Variants in CNBD1 observed in about 807,000 individuals in gnomAD.
The protein encoded by CNBD1 is cyclic nucleotide-binding domain-containing protein 1.
A neutral mutation model predicts 54.4 loss-of-function variants in CNBD1; 71 were observed. The observed-to-expected ratio is 1.30, with a 90% CI of 1.08 to 1.59. The LOEUF (loss-of-function observed/expected upper bound fraction) is 1.59, where lower values mean the gene tolerates loss of function less well. Ranked by LOEUF, CNBD1 falls within the 40% of genes most tolerant of loss-of-function variation. CNBD1 has a pLI of 0.00. For synonymous variants in CNBD1, 182 were observed against 170.7 expected (o/e 1.07, Z -0.51); for missense variants, 659 against 518.0 (o/e 1.27, Z -2.64).
chr8:87,051,161 C>T (rs1403823947), intron 4 of CNBD1, among the ~76,000 whole-genome samples: 2 of 152,174 alleles, frequency 1.3e-5, no homozygotes, highest in Non-Finnish European at 2.9e-5. Flanking sequence ...CCTCCAACTA[C>T]AGCTGAGGGT....
At chr8:87,320,813 A>T (rs1042118099) in intron 8 of CNBD1, among the ~76,000 whole-genome samples, 3 of 152,104 alleles carry the variant, frequency 2.0e-5, no homozygotes, top group Non-Finnish European at 4.4e-5. Flanking sequence ...TATCTCTCTA[A>T]TATTTTCACC....
At chr8:87,306,970 A>G (rs554784358) in intron 8 of CNBD1, among the ~76,000 whole-genome samples, 19 of 152,196 alleles carry the variant, frequency 1.2e-4, no homozygotes, top group Non-Finnish European at 2.4e-4. Flanking sequence ...TGTACTCAAT[A>G]ACTATATCTG....
At chr8:87,256,006 TA>T (rs1563526097) in intron 6 of CNBD1, among the ~76,000 whole-genome samples, 403 of 20,550 alleles carry the variant, frequency 0.02, 4 homozygotes, top group Non-Finnish European at 0.023. Flanking sequence ...TATATATATA[TA>T]TATATATATT....
chr8:87,185,868 G>C (rs1813464727), intron 4 of CNBD1, among the ~76,000 whole-genome samples: 1 of 151,956 alleles, frequency 6.6e-6, no homozygotes, highest in Non-Finnish European at 1.5e-5. Flanking sequence ...TCCTTTGACT[G>C]TCTCCTCAGT....
chr8:87,408,551 C>T (rs548192313), intron 2 of CNBD1, among the ~76,000 whole-genome samples: 14 of 151,984 alleles, frequency 9.2e-5, no homozygotes, highest in African/African-American at 2.7e-4. Flanking sequence ...TTTTTCTTTT[C>T]GTCTCTCAGT....
intron 8 of CNBD1, among the ~76,000 whole-genome samples, chr8:87,322,931 GT>G (rs1385429958): frequency 9.2e-6 from 1 of 108,794 alleles, no homozygotes; most frequent in African/African-American, 3.6e-5. Flanking sequence ...GGTTTTTATG[GT>G]TTTAGGTCTA....
chr8:87,417,117 G>C (rs975681731), intron 2 of CNBD1, among the ~76,000 whole-genome samples: 2 of 151,968 alleles, frequency 1.3e-5, no homozygotes, highest in African/African-American at 2.4e-5. Flanking sequence ...AATTTATAAA[G>C]AAAAAGAGGT....
downstream of CNBD1, among the ~76,000 whole-genome samples, chr8:87,384,394 A>G (rs1452433899): frequency 4.6e-5 from 7 of 152,102 alleles, no homozygotes; most frequent in Admixed American, 4.6e-4. Flanking sequence ...GAAAATATAT[A>G]TAATATTATA....
At chr8:87,126,999 G>A (rs902945920) in intron 4 of CNBD1, among the ~76,000 whole-genome samples, 1 of 151,672 alleles carries the variant, frequency 6.6e-6, no homozygotes, top group Non-Finnish European at 1.5e-5. Flanking sequence ...ATAGATGAGT[G>A]AAACAAATAG....
chr8:87,213,186 A>G (rs1814137599), intron 5 of CNBD1, among the ~76,000 whole-genome samples: 1 of 152,204 alleles, frequency 6.6e-6, no homozygotes, highest in South Asian at 2.1e-4. Flanking sequence ...TTAAAATATA[A>G]AAGAAAGTAT....
At chr8:87,411,397 C>T (rs1237881218) in intron 2 of CNBD1, among the ~76,000 whole-genome samples, 7 of 92,402 alleles carry the variant, frequency 7.6e-5, no homozygotes, top group Admixed American at 1.4e-4. Context: ...CTAGCTATAT[C>T]ATATATATAT....
rs557683858 is a variant in CNBD1, at chr8:87,106,338, G to A, written c.432-99655G>A. On this transcript the variant is annotated intron_variant, in intron 4 of 10. Transcript: ENST00000518476. ...AAGCAATTCTCATGTCTCAGCCACC[G>A]GAATAGCTGGTTACAGGCACCTGCC... Among the ~76,000 whole-genome samples the A allele has an allele frequency of 1.3e-4, 19 of 151,844 alleles. No individual in the cohort carries two copies. The South Asian group carries it at 2.1e-3, about 17-fold the overall frequency.
At chr8:87,238,273 G>T (rs1392533521) in intron 6 of CNBD1, among the ~76,000 whole-genome samples, 2 of 152,062 alleles carry the variant, frequency 1.3e-5, no homozygotes, top group Non-Finnish European at 2.9e-5. Flanking sequence ...TCTTTACTGT[G>T]ATAGCTCTTA....
chr8:87,005,247 G>A (rs559688891), intron 4 of CNBD1, among the ~76,000 whole-genome samples: 1 of 151,960 alleles, frequency 6.6e-6, no homozygotes, highest in African/African-American at 2.4e-5. Flanking sequence ...GCGGGCGCCT[G>A]TAGTCCCAGC....
chr8:87,384,728 T>C (rs540019071), downstream of CNBD1, among the ~76,000 whole-genome samples: 1 of 152,226 alleles, frequency 6.6e-6, no homozygotes, highest in South Asian at 2.1e-4. Flanking sequence ...AGATCATGGG[T>C]CCAATAATAT....
intron 4 of CNBD1, among the ~76,000 whole-genome samples, chr8:87,149,282 T>A (rs942482710): frequency 2.6e-5 from 4 of 152,206 alleles, no homozygotes; most frequent in Non-Finnish European, 5.9e-5. Context: ...AGAGGAGAGA[T>A]GGGCCTCCCC....
chr8:86,968,123 G>C (rs1296101183), intron 4 of CNBD1, among the ~76,000 whole-genome samples: 1 of 152,022 alleles, frequency 6.6e-6, no homozygotes, highest in Non-Finnish European at 1.5e-5. Flanking sequence ...GGTGGATTTG[G>C]CTCGTCTGAC....
intron 4 of CNBD1, among the ~76,000 whole-genome samples, chr8:87,172,822 A>C (rs1813117198): frequency 6.6e-6 from 1 of 151,774 alleles, no homozygotes; most frequent in African/African-American, 2.4e-5. Flanking sequence ...TTTACTGTCC[A>C]TTCAGACATT....
At chr8:87,394,612 C>A (rs1489620343) in intron 2 of CNBD1, among the ~76,000 whole-genome samples, 2 of 151,824 alleles carry the variant, frequency 1.3e-5, no homozygotes, top group Non-Finnish European at 2.9e-5. Flanking sequence ...TAAACATCTA[C>A]CCTTCTTCAT....
Sources: gnomAD v4.1 joint callset for allele counts (sites outside exome capture counted in the v4.1 genomes callset) on GRCh38, gnomAD v4.1.1 for gene constraint, MANE v1.5 for transcripts, NCBI Gene and HGNC (gene_info 2026-07-23, HGNC 2026-07-21) for gene names.